Variants in GRM8 observed in about 807,000 individuals in gnomAD.
GRM8 encodes metabotropic glutamate receptor 8.
In GRM8, 47 loss-of-function variants were observed where a neutral mutation model predicts 87.2. That is an observed-to-expected ratio of 0.54 (90% confidence interval 0.43 to 0.69). GRM8 has a LOEUF of 0.69. Ranked by LOEUF, GRM8 falls within the 30% of genes least tolerant of loss-of-function variation. The probability of loss-of-function intolerance (pLI) is 0.00; values close to 1 mark genes in which losing one functional copy is unlikely to be tolerated. For missense variants in GRM8, 1,019 were observed against 1,139.2 expected (o/e 0.89, Z 1.52); for synonymous variants, 396 against 404.5 (o/e 0.98, Z 0.25).
intron 8 of GRM8, among the ~76,000 whole-genome samples, chr7:126,552,888 G>T (rs976923919): frequency 6.6e-6 from 1 of 151,998 alleles, no homozygotes; most frequent in African/African-American, 2.4e-5. Flanking sequence ...CAGGATTTAA[G>T]TCTCTTATTT....
intron 7 of GRM8, among the ~76,000 whole-genome samples, chr7:126,763,135 G>A (rs539201018): frequency 6.1e-5 from 9 of 148,480 alleles, no homozygotes; most frequent in East Asian, 3.9e-4. Flanking sequence ...TATAATTTCC[G>A]TTTTTGAATT....
intron 2 of GRM8, among the ~76,000 whole-genome samples, chr7:127,114,862 G>A (rs1826605884): frequency 6.6e-6 from 1 of 152,090 alleles, no homozygotes; most frequent in South Asian, 2.1e-4. Flanking sequence ...GTCATAGAGG[G>A]AAAGAAAACA....
chr7:126,849,019 TA>T (rs1475848988), intron 6 of GRM8, among the ~76,000 whole-genome samples: 1 of 152,062 alleles, frequency 6.6e-6, no homozygotes, highest in Admixed American at 6.6e-5. Flanking sequence ...CTCCCCCTTA[TA>T]AAACCATCAG....
rs935906052 is a variant in GRM8 at position 126,518,087 on chromosome 7, C to G, written c.2430+14865G>C. On this transcript the variant is annotated intron_variant, in intron 9 of 10. Coordinates refer to ENST00000339582, the MANE Select transcript of GRM8 (RefSeq NM_000845.3). The stretch of plus-strand genomic sequence containing the variant: ...TGTCATGACAGGACTGCTTAGTAGA[C>G]ACAATGTCCTTCCCTCTTTTTTAGC... Among the ~76,000 whole-genome samples, 56 of 152,032 alleles carry G rather than the reference C, an allele frequency of 3.7e-4. 1 individual carries two copies. The highest frequency in any genetic ancestry group is 8.8e-5 in the Non-Finnish European group (6 of 67,974).
At chr7:126,572,593 C>T (rs1430825641) in intron 8 of GRM8, among the ~76,000 whole-genome samples, 2 of 152,086 alleles carry the variant, frequency 1.3e-5, no homozygotes, top group South Asian at 4.1e-4. Flanking sequence ...CCAAATCCAA[C>T]AAAACTATCA....
At chr7:127,088,946 T>A (rs530082065) in intron 3 of GRM8, among the ~76,000 whole-genome samples, 28 of 152,312 alleles carry the variant, frequency 1.8e-4, no homozygotes, top group Non-Finnish European at 3.5e-4. Flanking sequence ...AGCCTTGGAC[T>A]TCTGCGGACA....
intron 7 of GRM8, among the ~76,000 whole-genome samples, chr7:126,767,267 T>A (rs1002603611): frequency 2.6e-5 from 4 of 152,254 alleles, no homozygotes; most frequent in South Asian, 4.1e-4. Flanking sequence ...ATCTTCCTCC[T>A]CCTTGGAAAC....
intron 3 of GRM8, among the ~76,000 whole-genome samples, chr7:126,952,530 C>T (rs928606600): frequency 3.3e-5 from 5 of 151,994 alleles, no homozygotes; most frequent in African/African-American, 9.7e-5. Context: ...TCTTTCTTAA[C>T]AGTAGGAGAA....
chr7:127,122,403 T>C (rs1563527809), intron 2 of GRM8, among the ~76,000 whole-genome samples: 1 of 151,992 alleles, frequency 6.6e-6, no homozygotes, highest in Non-Finnish European at 1.5e-5. Context: ...CTAAATAATC[T>C]AAATATGTAA....
At chr7:126,631,730 C>T (rs1370541519) in intron 7 of GRM8, among the ~76,000 whole-genome samples, 3 of 152,120 alleles carry the variant, frequency 2.0e-5, no homozygotes, top group Admixed American at 6.6e-5. Flanking sequence ...TAAAACCACA[C>T]ATTTACAACC....
intron 7 of GRM8, among the ~76,000 whole-genome samples, chr7:126,690,275 A>C (rs1178649044): frequency 6.6e-6 from 1 of 152,222 alleles, no homozygotes; most frequent in Non-Finnish European, 1.5e-5. Context: ...TGCCAAGGGC[A>C]AGGCAGGCAC....
chr7:126,936,849 C>T (rs1048330691), intron 3 of GRM8, among the ~76,000 whole-genome samples: 2 of 152,186 alleles, frequency 1.3e-5, no homozygotes, highest in Non-Finnish European at 2.9e-5. Context: ...GCCACCTACC[C>T]ACCTTGATTG....
chr7:126,475,111 G>T lies in GRM8; in HGVS notation c.2431-28739C>A, dbSNP rs143019980. The stretch of plus-strand genomic sequence containing the variant: ...ACTTTTGCCATTTCTATTCAACATA[G>T]TATTGGGAGTTGTAACCAAAGCAAT... On this transcript the variant is annotated intron_variant, in intron 9 of 10. Transcript: ENST00000339582. Among the ~76,000 whole-genome samples the T allele has an allele frequency of 1.6e-4, 25 of 152,142 alleles. No individual in the cohort carries two copies. In the East Asian group the frequency reaches 4.8e-3, roughly 30 times the overall value.
chr7:126,643,506 G>C (rs1802708142), intron 7 of GRM8, among the ~76,000 whole-genome samples: 1 of 146,330 alleles, frequency 6.8e-6, no homozygotes, highest in African/African-American at 2.5e-5. Context: ...ATATGTCCAT[G>C]TATATGTATA....
At chr7:127,188,280 G>A (rs1317162578) in intron 2 of GRM8, among the ~76,000 whole-genome samples, 3 of 152,162 alleles carry the variant, frequency 2.0e-5, no homozygotes, top group East Asian at 1.9e-4. Flanking sequence ...TGAGCCAAAT[G>A]TCATTGGTTC....
chr7:126,874,991 C>T (rs939745550), intron 6 of GRM8, among the ~76,000 whole-genome samples: 5 of 152,030 alleles, frequency 3.3e-5, no homozygotes, highest in Non-Finnish European at 7.4e-5. Context: ...AATTGGATGT[C>T]ATATATTTAA....
chr7:126,457,647 C>T (rs370376094), intron 9 of GRM8, among the ~76,000 whole-genome samples: 22 of 151,068 alleles, frequency 1.5e-4, no homozygotes, highest in African/African-American at 5.1e-4. Flanking sequence ...ATATTTTGAA[C>T]TGAATAATAA....
At chr7:127,125,881 T>C (rs1330889659) in intron 2 of GRM8, among the ~76,000 whole-genome samples, 1 of 151,730 alleles carries the variant, frequency 6.6e-6, no homozygotes, top group Non-Finnish European at 1.5e-5. Context: ...AAAAATACTT[T>C]ACATCACTAA....
At chr7:126,697,215 G>A (rs1048729949) in intron 7 of GRM8, among the ~76,000 whole-genome samples, 1 of 151,112 alleles carries the variant, frequency 6.6e-6, no homozygotes, top group Admixed American at 6.6e-5. Flanking sequence ...GTACAACAGT[G>A]GTTATCAGGG....
Sources: gnomAD v4.1 joint callset for allele counts (sites outside exome capture counted in the v4.1 genomes callset) on GRCh38, gnomAD v4.1.1 for gene constraint, MANE v1.5 for transcripts, NCBI Gene and HGNC (gene_info 2026-07-23, HGNC 2026-07-21) for gene names.